The following BACH2 variants were observed in gnomAD, a reference collection of about 807,000 sequenced individuals.
BACH2 encodes transcription regulator protein BACH2.
A neutral mutation model predicts 61.8 loss-of-function variants in BACH2; 5 were observed. The ratio of observed to expected loss-of-function variants is 0.08; its 90% CI spans 0.04 to 0.17. The LOEUF (loss-of-function observed/expected upper bound fraction) is 0.17, where lower values mean the gene tolerates loss of function less well. Ranked by LOEUF, BACH2 falls within the 10% of genes least tolerant of loss-of-function variation. The pLI, the probability that BACH2 is intolerant of heterozygous loss-of-function variation, is 1.00. For synonymous variants in BACH2, 446 were observed against 440.1 expected, an observed-to-expected ratio of 1.01 and a Z score of -0.17; for missense variants, 824 against 1,091.1, an observed-to-expected ratio of 0.76 and a Z score of 3.45.
At position 89,964,455 on chromosome 6, in the gene BACH2, A is replaced by T. The variant is rs571622513; in HGVS notation, c.244-12593T>A. On this transcript the variant is annotated intron_variant, in intron 6 of 8. Transcript: ENST00000257749. ...TGGTAAATTTTATGTTATTTTTTTT[A>T]AAATCACAATAAAAAAGGTCTTGAA... is the stretch of plus-strand genomic sequence containing the variant. Among the ~76,000 whole-genome samples, 346 of 152,244 alleles carry T rather than the reference A, an allele frequency of 2.3e-3. 11 individuals are homozygous for T. The highest frequency in any genetic ancestry group is 4.7e-4 in the Non-Finnish European group (32 of 68,002).
chr6:90,184,654 A>C (rs1246425516), intron 4 of BACH2, among the ~76,000 whole-genome samples: 1 of 152,182 alleles, frequency 6.6e-6, no homozygotes, highest in Non-Finnish European at 1.5e-5. Context: ...TCCTAATACA[A>C]GGGGTAAGCC....
chr6:89,932,940 G>A (rs1772765068), intron 8 of BACH2, 50 bp from the exon 9 acceptor site: 1 of 1,510,234 alleles, frequency 6.6e-7, no homozygotes, highest in Non-Finnish European at 8.9e-7. Flanking sequence ...TGAACTGGAG[G>A]ACAGAAGGCC....
chr6:90,089,409 T>C (rs1782066238), intron 4 of BACH2, among the ~76,000 whole-genome samples: 1 of 151,960 alleles, frequency 6.6e-6, no homozygotes, highest in Non-Finnish European at 1.5e-5. Context: ...GATAGGTCCA[T>C]GTCCAGTAAG....
chr6:90,102,813 A>G (rs1459017303), intron 4 of BACH2, among the ~76,000 whole-genome samples: 1 of 136,156 alleles, frequency 7.3e-6, no homozygotes, highest in African/African-American at 2.6e-5. Context: ...TAATAATAAT[A>G]ATAATAATAA....
intron 6 of BACH2, among the ~76,000 whole-genome samples, chr6:89,959,097 GCACACACACACACACACACACA>G (rs60175244): frequency 0.099 from 13,339 of 134,456 alleles, 749 homozygotes; most frequent in South Asian, 0.15. Flanking sequence ...ATGCACAAGT[GCACACACACACACACACACACA>G]CACACACACA....
chr6:89,970,811 A>C (rs1775316540), intron 6 of BACH2, among the ~76,000 whole-genome samples: 1 of 152,164 alleles, frequency 6.6e-6, no homozygotes, highest in Non-Finnish European at 1.5e-5. Flanking sequence ...TGGCTGAAAG[A>C]CAGAAAAGAC....
intron 4 of BACH2, among the ~76,000 whole-genome samples, chr6:90,094,625 A>G (rs971933653): frequency 2.6e-5 from 4 of 152,284 alleles, no homozygotes; most frequent in African/African-American, 7.2e-5. Context: ...GCATGTTGGG[A>G]TACAGAATTT....
intron 5 of BACH2, among the ~76,000 whole-genome samples, chr6:90,071,033 T>G (rs1379388075): frequency 6.6e-6 from 1 of 152,244 alleles, no homozygotes; most frequent in Non-Finnish European, 1.5e-5. Context: ...TCACCCATGC[T>G]GCAGTGCAAT....
intron 5 of BACH2, among the ~76,000 whole-genome samples, chr6:90,031,644 C>G (rs901353207): frequency 6.6e-6 from 1 of 152,134 alleles, no homozygotes; most frequent in Admixed American, 6.5e-5. Context: ...ATCCAACATA[C>G]AAGGGATGTG....
chr6:90,252,360 G>A (rs916472553), intron 3 of BACH2, among the ~76,000 whole-genome samples, 153 bp downstream of exon 3: 1 of 152,014 alleles, frequency 6.6e-6, no homozygotes, highest in African/African-American at 2.4e-5. Context: ...CACAGCTATG[G>A]GCTACCAAAG....
Position 90,240,489 on chromosome 6 carries a change from T to C in BACH2, c.-275+12024A>G, listed in dbSNP as rs1007235697. On this transcript the variant is annotated intron_variant, in intron 3 of 8. Coordinates refer to ENST00000257749, the MANE Select transcript of BACH2 (RefSeq NM_021813.4). Reference sequence around the variant, plus strand: ...ATGTATTTCATTAAATATCCTGCTATTGTCTGCTTTACGATATTAAGAAAA... The same window carrying C: ...ATGTATTTCATTAAATATCCTGCTACTGTCTGCTTTACGATATTAAGAAAA... Among the ~76,000 whole-genome samples the C allele has an allele frequency of 2.0e-5, 3 of 152,332 alleles. No homozygotes were observed. In the East Asian group the frequency reaches 5.8e-4, roughly 29 times the overall value.
At chr6:90,146,992 T>C (rs1455873415) in intron 4 of BACH2, among the ~76,000 whole-genome samples, 2 of 152,184 alleles carry the variant, frequency 1.3e-5, no homozygotes, top group African/African-American at 4.8e-5. Flanking sequence ...TCCTACTCTT[T>C]CATTTCTACT....
At chr6:90,018,722 G>A (rs1357624682) in intron 5 of BACH2, among the ~76,000 whole-genome samples, 1 of 152,144 alleles carries the variant, frequency 6.6e-6, no homozygotes, top group Non-Finnish European at 1.5e-5. Context: ...ATGCCTCTGT[G>A]AAGAATTATT....
intron 1 of BACH2, among the ~76,000 whole-genome samples, chr6:90,280,338 T>G (rs1216365998): frequency 6.6e-6 from 1 of 152,152 alleles, no homozygotes; most frequent in Non-Finnish European, 1.5e-5. Flanking sequence ...TATGTAATAT[T>G]TTAATTCTTA....
chr6:90,038,121 C>A (rs1779352425), intron 5 of BACH2, among the ~76,000 whole-genome samples: 1 of 152,096 alleles, frequency 6.6e-6, no homozygotes, highest in Admixed American at 6.6e-5. Flanking sequence ...GTTATGGAAG[C>A]CTTAGGAAAC....
intron 3 of BACH2, among the ~76,000 whole-genome samples, chr6:90,243,281 G>A (rs1333070422): frequency 2.6e-5 from 4 of 152,048 alleles, no homozygotes; most frequent in African/African-American, 4.8e-5. Context: ...AGTCATTAAA[G>A]GTTATGCAAT....
intron 6 of BACH2, among the ~76,000 whole-genome samples, chr6:89,995,435 T>G (rs1271146244): frequency 6.6e-6 from 1 of 152,146 alleles, no homozygotes; most frequent in Non-Finnish European, 1.5e-5. Context: ...GGTATTGTAT[T>G]TCATGAATAT....
chr6:90,144,019 G>T (rs1297346519), intron 4 of BACH2, among the ~76,000 whole-genome samples: 1 of 152,170 alleles, frequency 6.6e-6, no homozygotes, highest in Non-Finnish European at 1.5e-5. Flanking sequence ...CTAGTGTCCA[G>T]CACAGAACTT....
chr6:90,042,548 G>A (rs1218873479), intron 5 of BACH2, among the ~76,000 whole-genome samples: 1 of 152,022 alleles, frequency 6.6e-6, no homozygotes, highest in Non-Finnish European at 1.5e-5. Context: ...AGGTGCACCA[G>A]GCACAGTGTG....
Sources: allele counts gnomAD v4.1 joint callset (sites outside exome capture counted in the v4.1 genomes callset), GRCh38; gene constraint gnomAD v4.1.1; transcripts MANE v1.5; gene names NCBI Gene and HGNC (gene_info 2026-07-23, HGNC 2026-07-21).